The following GGT7 variants were observed in gnomAD, a reference collection of about 807,000 sequenced individuals.
GGT7 encodes gamma-glutamyltransferase 7.
GGT7 carries 30 observed loss-of-function variants against 69.2 expected under a neutral mutation model. The ratio of observed to expected loss-of-function variants is 0.43; its 90% CI spans 0.32 to 0.59. The LOEUF (loss-of-function observed/expected upper bound fraction) is 0.59. Among genes scored for constraint, GGT7 ranks in the 20% least tolerant of loss-of-function variants. The probability of loss-of-function intolerance (pLI) is 0.05; values close to 1 mark genes in which losing one functional copy is unlikely to be tolerated. For missense variants in GGT7, 733 were observed against 901.1 expected (o/e 0.81, Z 2.39); for synonymous variants, 388 against 391.8 (o/e 0.99, Z 0.12).
Position 34,863,034 on chromosome 20 carries a change from C to T in GGT7, c.406-69G>A. On this transcript the variant is annotated intron_variant, in intron 2 of 14. Transcript: ENST00000336431. This position sits in a 1 kb window ranked among gnomAD's most constrained non-coding sequence, Gnocchi z 4.4. ...CACCTCCCTAGGGCACCTCCACTAG[C>T]CCTAGAACTCTACGCGGCATGAAGG... 4 of 1,463,050 alleles carry T rather than the reference C, an allele frequency of 2.7e-6. No individual in the cohort carries two copies. The highest frequency in any genetic ancestry group is 1.2e-5 in the South Asian group (1 of 80,452). 90.6% of individuals were successfully genotyped at this position (1,463,050 alleles called of 1,614,324 possible).
At position 34,855,027 on chromosome 20, in the gene GGT7, T is replaced by C. The variant is rs1037129850; in HGVS notation, c.1103-104A>G. The C allele has an allele frequency of 6.7e-5, 72 of 1,082,472 alleles. No homozygotes were observed. In the African/African-American group the frequency reaches 9.8e-4, roughly 15 times the overall value. The allele number at this position is 1,082,472 out of a possible 1,614,324, so 67.1% of individuals were successfully genotyped here. A position where few individuals can be genotyped will look rare whatever the true frequency, so the allele number is the denominator to read the frequency against. On this transcript the variant is annotated intron_variant, in intron 8 of 14. Coordinates refer to ENST00000336431, the MANE Select transcript of GGT7 (RefSeq NM_178026.3). ...CCATCACACACTGAGACCACTGCGC[T>C]GAACTCCCTCACCAGATGGGGAAAC... is the stretch of plus-strand genomic sequence containing the variant.
chr20:34,846,682 C>T (rs948694002), intron 14 of GGT7, among the ~76,000 whole-genome samples: 2 of 152,122 alleles, frequency 1.3e-5, no homozygotes, highest in African/African-American at 4.8e-5. Context: ...GACCTTGTCA[C>T]CTCCCCTGCT....
chr20:34,862,368 G>C (rs1009887244), intron 3 of GGT7, among the ~76,000 whole-genome samples: 2 of 152,168 alleles, frequency 1.3e-5, no homozygotes, highest in Non-Finnish European at 2.9e-5. Flanking sequence ...AACCAAACCA[G>C]TCTGTGTGCT....
intron 4 of GGT7, 124 bp downstream of exon 4, chr20:34,861,321 G>A: frequency 2.1e-6 from 1 of 486,266 alleles, no homozygotes; most frequent in Non-Finnish European, 3.7e-6. Flanking sequence ...CATAGCCTAA[G>A]AGAATCCTGC....
chr20:34,871,027 A>G (rs1217591670), intron 1 of GGT7, among the ~76,000 whole-genome samples: 1 of 151,854 alleles, frequency 6.6e-6, no homozygotes, highest in Non-Finnish European at 1.5e-5. Flanking sequence ...CCTGACCTCA[A>G]GTGATCCACC....
chr20:34,869,967 CCA>C (rs984471813), intron 1 of GGT7, among the ~76,000 whole-genome samples: 2 of 152,154 alleles, frequency 1.3e-5, no homozygotes, highest in African/African-American at 4.8e-5. Context: ...GCTCTCTTTC[CCA>C]CAGAGCCTGA....
rs1601242635 is a variant in GGT7, at chr20:34,863,825, C to A, written c.170-277G>T. ...AGGCCAAATTTCCTGGCACCCAGGG[C>A]CCAGGGCTGAGAACACTTCCTGGGG... is the stretch of plus-strand genomic sequence containing the variant. On this transcript the variant is annotated intron_variant, in intron 1 of 14. Transcript: ENST00000336431. The surrounding 1 kb of genome is among the most constrained non-coding windows in gnomAD (Gnocchi z 4.4). 9.1e-6 allele frequency: 6 copies of A among 657,736 alleles called. No individual in the cohort carries two copies. In the East Asian group the frequency reaches 1.2e-4, roughly 13 times the overall value. 40.7% of individuals were successfully genotyped at this position (657,736 alleles called of 1,614,324 possible).
Position 34,854,874 on chromosome 20 carries a change from G to A in GGT7, c.1152C>T (p.Ile384=). 3.1e-6 allele frequency: 5 copies of A among 1,613,994 alleles called. No individual in the cohort carries two copies. Among genetic ancestry groups the A allele is most frequent in the Non-Finnish European group, 4.2e-6 (5 of 1,179,868 alleles). The change falls in exon 9 of 15, where the codon ATC becomes ATT. Residue 384 remains isoleucine (I), a synonymous_variant. Transcript: ENST00000336431. ...AGCCCTCCAGGATGTTGAGAGCACT[G>A]ATGAGGGCAGGGCCCGTGTGCGGAG... ...PPPPHTGPAL[I]SALNILEGFN...
At chr20:34,868,467 A>G (rs2146931052) in intron 1 of GGT7, among the ~76,000 whole-genome samples, 1 of 152,364 alleles carries the variant, frequency 6.6e-6, no homozygotes, top group South Asian at 2.1e-4. Context: ...TTTGGTTATT[A>G]TAAATTTGTG....
chr20:34,847,576 G>C (rs1335168228), intron 14 of GGT7, among the ~76,000 whole-genome samples: 1 of 152,146 alleles, frequency 6.6e-6, no homozygotes, highest in Non-Finnish European at 1.5e-5. Context: ...CAATCCTTTT[G>C]ATTATGGCAA....
chr20:34,862,735 T>G, intron 3 of GGT7, 79 bp downstream of exon 3: 1 of 1,406,456 alleles, frequency 7.1e-7, no homozygotes, highest in Non-Finnish European at 1.0e-6. Context: ...CTCCCTAAGT[T>G]AGGAGTGCTG....
chr20:34,872,274 G>T (rs2079792698), intron 1 of GGT7: 1 of 171,050 alleles, frequency 5.8e-6, no homozygotes, highest in African/African-American at 2.4e-5. Flanking sequence ...CCCTCTTGCT[G>T]CAGTCTCTGA....
At position 34,845,059 on chromosome 20, in the gene GGT7, T is replaced by C. The variant is rs866630713; in HGVS notation, c.*269A>G. The C allele has an allele frequency of 1.1e-4, 55 of 499,296 alleles. No homozygotes were observed. Among genetic ancestry groups the C allele is most frequent in the African/African-American group, 1.0e-3 (53 of 51,958 alleles). The allele number at this position is 499,296 out of a possible 1,614,324, so 30.9% of individuals were successfully genotyped here. On this transcript the variant is annotated 3_prime_UTR_variant, in exon 15 of 15. Transcript: ENST00000336431. ...GGAGGAGAGGTGACACACAGACAGA[T>C]AGTCTGATTCCTCAAGGTCCTGCCT...
At chr20:34,865,678 C>T (rs1429965438) in intron 1 of GGT7, among the ~76,000 whole-genome samples, 1 of 152,154 alleles carries the variant, frequency 6.6e-6, no homozygotes, top group Admixed American at 6.5e-5. Context: ...GATAGGGGTA[C>T]AAGGATTCCA....
chr20:34,870,140 G>A (rs1279135654), intron 1 of GGT7, among the ~76,000 whole-genome samples: 3 of 152,218 alleles, frequency 2.0e-5, no homozygotes, highest in East Asian at 1.9e-4. Flanking sequence ...CAGGTGAACC[G>A]AGGAAGCCTT....
Position 34,850,250 on chromosome 20 carries a change from G to C in GGT7, c.1726-190C>G, listed in dbSNP as rs1199919495. 3.9e-6 allele frequency: 3 copies of C among 760,470 alleles called. No homozygotes were observed. In the East Asian group the frequency reaches 7.3e-5, roughly 19 times the overall value. The allele number at this position is 760,470 out of a possible 1,614,324, so 47.1% of individuals were successfully genotyped here. On this transcript the variant is annotated intron_variant, in intron 13 of 14. Transcript: ENST00000336431. ...TGTTTCCATTTCACAGAGAGGGAAAGTGAAGTCCAGCAAGGAAAATGACTT... is the reference window on the plus strand; with the variant it reads ...TGTTTCCATTTCACAGAGAGGGAAACTGAAGTCCAGCAAGGAAAATGACTT...
In GGT7 at chr20:34,863,361, G is replaced by C. The variant is rs751112343; in HGVS notation, c.357C>G (p.Thr119=). The C allele has an allele frequency of 2.5e-6, 4 of 1,613,838 alleles. No individual in the cohort carries two copies. Among genetic ancestry groups the C allele is most frequent in the East Asian group, 2.2e-5 (1 of 44,866 alleles). Residue 119 remains threonine (T), a synonymous_variant, in exon 2 of 15, where the codon ACC becomes ACG. Coordinates refer to ENST00000336431, the MANE Select transcript of GGT7 (RefSeq NM_178026.3). This position sits in a 1 kb window ranked among gnomAD's most constrained non-coding sequence, Gnocchi z 4.4. ...GCATGACCAGCGCCACGGTGACACC[G>C]GTAGCGAAGGTGAGACAGGCCGTGA... is the stretch of plus-strand genomic sequence containing the variant. ...VIVTACLTFA[T]GVTVALVMQI...
intron 4 of GGT7, 126 bp from the exon 5 acceptor site, chr20:34,860,447 C>G: frequency 1.4e-6 from 1 of 730,124 alleles, no homozygotes; most frequent in South Asian, 1.5e-5. Flanking sequence ...GCCAAGTATC[C>G]CAGGGGAGGG....
rs1233537851 is a variant in GGT7, at chr20:34,852,615, T to G, written c.1320-77A>C. 5 of 1,382,258 alleles carry G rather than the reference T, an allele frequency of 3.6e-6. No homozygotes were observed. In the African/African-American group the frequency reaches 5.8e-5, roughly 16 times the overall value. The allele number at this position is 1,382,258 out of a possible 1,614,324, so 85.6% of individuals were successfully genotyped here. On this transcript the variant is annotated intron_variant, in intron 10 of 14. Transcript: ENST00000336431. ...CCACCTACCTCACTTTTGTGGTGTT[T>G]GTGTAATTATTTGATGAAATCTACC... is the stretch of plus-strand genomic sequence containing the variant.
Sources: gnomAD v4.1 joint callset for allele counts (sites outside exome capture counted in the v4.1 genomes callset) on GRCh38, gnomAD v4.1.1 for gene constraint, Gnocchi (gnomAD v3.1) non-coding constraint, MANE v1.5 for transcripts, NCBI Gene and HGNC (gene_info 2026-07-23, HGNC 2026-07-21) for gene names.